The following MTHFD1L variants were observed in gnomAD, a reference collection of about 807,000 sequenced individuals.
MTHFD1L encodes methylenetetrahydrofolate dehydrogenase (NADP+ dependent) 1 like, also known as monofunctional C1-tetrahydrofolate synthase, mitochondrial.
Under a neutral mutation model 119.5 loss-of-function variants are expected in MTHFD1L, and 81 were observed. The ratio of observed to expected loss-of-function variants is 0.68; its 90% confidence interval spans 0.57 to 0.82. The LOEUF is 0.82. MTHFD1L is among the 40% of genes least tolerant of loss of function. The pLI, the probability that MTHFD1L is intolerant of heterozygous loss-of-function variation, is 0.00. For missense variants in MTHFD1L, 1,125 were observed against 1,253.4 expected, an observed-to-expected ratio of 0.90 and a Z score of 1.55; for synonymous variants, 430 against 475.2, an observed-to-expected ratio of 0.90 and a Z score of 1.24.
chr6:150,905,874 A>G, intron 8 of MTHFD1L, 113 bp downstream of exon 8: 1 of 817,254 alleles, frequency 1.2e-6, no homozygotes, highest in Non-Finnish European at 2.0e-6. Context: ...GTCAACATTA[A>G]TATATAGGGT....
chr6:150,901,164 A>G (rs775192341), intron 7 of MTHFD1L, among the ~76,000 whole-genome samples: 8 of 151,994 alleles, frequency 5.3e-5, no homozygotes, highest in South Asian at 4.2e-4. Context: ...ATTTTCATGG[A>G]CATGCCCTGT....
chr6:150,926,045 T>C lies in MTHFD1L; in HGVS notation c.1083-77T>C. On this transcript the variant is annotated intron_variant, in intron 10 of 27. Coordinates refer to ENST00000367321, the MANE Select transcript of MTHFD1L (RefSeq NM_015440.5). This position sits in a 1 kb window ranked among gnomAD's most constrained non-coding sequence, Gnocchi z 4.3. ...CATTGATTTCATCGTTGGCGTGATG[T>C]GTGGCTGTTTTCACTCCAGTTGTGA... The C allele has an allele frequency of 7.8e-7, 1 of 1,284,464 alleles. No homozygotes were observed. Among genetic ancestry groups the C allele is most frequent in the Non-Finnish European group, 1.1e-6 (1 of 924,350 alleles). The allele number at this position is 1,284,464 out of a possible 1,614,324, so 79.6% of individuals were successfully genotyped here.
At chr6:151,058,363 T>C (rs1265657712) in intron 26 of MTHFD1L, among the ~76,000 whole-genome samples, 1 of 152,158 alleles carries the variant, frequency 6.6e-6, no homozygotes, top group East Asian at 1.9e-4. Context: ...TCACATCCGT[T>C]TTTGGCATTT....
chr6:150,892,507 T>C (rs1783478489), intron 7 of MTHFD1L, among the ~76,000 whole-genome samples: 1 of 152,164 alleles, frequency 6.6e-6, no homozygotes, highest in South Asian at 2.1e-4. Context: ...CCTAAGTCCT[T>C]GGTATTTATA....
At chr6:151,070,368 A>G (rs1186972284) in intron 26 of MTHFD1L, among the ~76,000 whole-genome samples, 2 of 152,200 alleles carry the variant, frequency 1.3e-5, no homozygotes, top group Non-Finnish European at 2.9e-5. Context: ...TGAACCTCTA[A>G]TCTAGATTCG....
chr6:151,075,247 C>T (rs1792372176), intron 26 of MTHFD1L, among the ~76,000 whole-genome samples: 1 of 151,984 alleles, frequency 6.6e-6, no homozygotes, highest in Non-Finnish European at 1.5e-5. Flanking sequence ...CCGACTATTA[C>T]TGTCAACAAG....
At position 150,926,361 on chromosome 6, in the gene MTHFD1L, T is replaced by G; in HGVS notation, c.1256+66T>G. The G allele has an allele frequency of 7.2e-7, 1 of 1,387,920 alleles. No individual in the cohort carries two copies. Among genetic ancestry groups the G allele is most frequent in the Non-Finnish European group, 1.0e-6 (1 of 998,614 alleles). The allele number at this position is 1,387,920 out of a possible 1,614,324, so 86.0% of individuals were successfully genotyped here. The stretch of plus-strand genomic sequence containing the variant: ...TTTACAAAACTCTTCCCTATTTATC[T>G]CTCTCCTCGTACCCCTCAATCCATC... On this transcript the variant is annotated intron_variant, in intron 11 of 27. Transcript: ENST00000367321. The surrounding 1 kb of genome is among the most constrained non-coding windows in gnomAD (Gnocchi z 4.3).
At position 151,037,042 on chromosome 6, in the gene MTHFD1L, A is replaced by C. The variant is rs762735183; in HGVS notation, c.2772A>C (p.Pro924=). The change falls in exon 26 of 28, where the codon CCA becomes CCC. Residue 924 remains proline, a synonymous_variant. Coordinates refer to ENST00000367321, the MANE Select transcript of MTHFD1L (RefSeq NM_015440.5). ...LSHQPDKKGV[P]RDFILPISDV... is the part of the protein sequence containing the mutation. ...ACCAACCTGACAAAAAAGGTGTGCC[A>C]AGGGACTTCATCTTACCTATCAGTG... The C allele has an allele frequency of 4.3e-6, 7 of 1,612,032 alleles. No homozygotes were observed. The South Asian group carries it at 7.7e-5, about 18-fold the overall frequency.
At chr6:150,907,166 T>G (rs1237857995) in intron 8 of MTHFD1L, among the ~76,000 whole-genome samples, 3 of 152,180 alleles carry the variant, frequency 2.0e-5, no homozygotes, top group Non-Finnish European at 4.4e-5. Flanking sequence ...TTATTAAAGT[T>G]TTCATGTAGG....
intron 15 of MTHFD1L, among the ~76,000 whole-genome samples, chr6:150,946,634 T>G (rs1301149256): frequency 6.6e-6 from 1 of 152,226 alleles, no homozygotes; most frequent in Non-Finnish European, 1.5e-5. Flanking sequence ...TTAACAACCT[T>G]ACTGGTTGGT....
chr6:151,024,782 A>T (rs992440769), intron 24 of MTHFD1L, among the ~76,000 whole-genome samples: 2 of 152,146 alleles, frequency 1.3e-5, no homozygotes, highest in African/African-American at 4.8e-5. Flanking sequence ...TGAGCCAAGA[A>T]CATGCCACTA....
intron 7 of MTHFD1L, among the ~76,000 whole-genome samples, chr6:150,889,004 G>A (rs181496005): frequency 7.2e-4 from 110 of 152,076 alleles, no homozygotes; most frequent in Non-Finnish European, 1.4e-3. Context: ...GTGAAACACC[G>A]TCTCTACTAA....
intron 8 of MTHFD1L, among the ~76,000 whole-genome samples, chr6:150,907,059 C>T (rs1325737862): frequency 6.7e-6 from 1 of 149,712 alleles, no homozygotes; most frequent in African/African-American, 2.4e-5. Flanking sequence ...GACAGGGCTT[C>T]CTCTGTTCAG....
chr6:150,870,510 G>A (rs1371391168), intron 1 of MTHFD1L, among the ~76,000 whole-genome samples: 2 of 152,038 alleles, frequency 1.3e-5, no homozygotes, highest in South Asian at 4.1e-4. Flanking sequence ...GGGGAATATC[G>A]CAGTAAAACG....
In MTHFD1L at chr6:151,004,846, A is replaced by T. The variant is rs549118626; in HGVS notation, c.2126-4973A>T. ...AAGTTGAATAGCTGTAACAAAAGGGAAAGAGATTGCCAAGACAAATAATTC... is the reference window on the plus strand; with the variant it reads ...AAGTTGAATAGCTGTAACAAAAGGGTAAGAGATTGCCAAGACAAATAATTC... On this transcript the variant is annotated intron_variant, in intron 20 of 27. Transcript: ENST00000367321. Among the ~76,000 whole-genome samples, 303 of 152,342 alleles carry T rather than the reference A, an allele frequency of 2.0e-3. 2 individuals are homozygous for T. Among genetic ancestry groups the T allele is most frequent in the Non-Finnish European group, 3.5e-3 (238 of 68,030 alleles).
At chr6:150,866,954 G>A (rs569032305) in intron 1 of MTHFD1L, among the ~76,000 whole-genome samples, 2 of 152,288 alleles carry the variant, frequency 1.3e-5, no homozygotes, top group Admixed American at 1.3e-4. Context: ...ACGAGTTCCA[G>A]GATGCGGTTT....
At chr6:150,976,445 C>T (rs545940909) in intron 20 of MTHFD1L, among the ~76,000 whole-genome samples, 2 of 152,202 alleles carry the variant, frequency 1.3e-5, no homozygotes, top group Admixed American at 6.5e-5. Context: ...ATTTGAGGCC[C>T]GAAACAAAAG....
intron 10 of MTHFD1L, among the ~76,000 whole-genome samples, chr6:150,923,549 T>A (rs1377554127): frequency 8.9e-5 from 6 of 67,314 alleles, no homozygotes; most frequent in East Asian, 8.1e-4. Flanking sequence ...TTTTTCTTTT[T>A]TTTTTTTTTT....
intron 7 of MTHFD1L, 117 bp from the exon 8 acceptor site, chr6:150,905,533 G>A: frequency 4.2e-6 from 3 of 713,072 alleles, no homozygotes; most frequent in Non-Finnish European, 7.5e-6. Context: ...ATCCTTGTCA[G>A]CAGCTTGGAA....
Sources: allele counts gnomAD v4.1 joint callset (sites outside exome capture counted in the v4.1 genomes callset), GRCh38; gene constraint gnomAD v4.1.1; non-coding constraint Gnocchi (gnomAD v3.1); transcripts MANE v1.5; gene names NCBI Gene and HGNC (gene_info 2026-07-23, HGNC 2026-07-21).